The following NPIPB13 variants were observed in gnomAD, a reference collection of about 807,000 sequenced individuals.
NPIPB13 encodes the protein nuclear pore complex-interacting protein family member B13.
At chr16:30,238,866 C>A (rs1596940048) in intron 2 of NPIPB13, among the ~76,000 whole-genome samples, 1 of 1,712 alleles carries the variant, frequency 5.8e-4, no homozygotes, top group Non-Finnish European at 1.9e-3. Context: ...GCCTGGGCGA[C>A]AGAGTGAGAC....
chr16:30,244,483 ATGTGTGTGTGTGTGTGTGTGTG>A (rs71259255), intron 2 of NPIPB13, among the ~76,000 whole-genome samples: 3 of 89,416 alleles, frequency 3.4e-5, no homozygotes, highest in African/African-American at 1.3e-4. Context: ...CAAAAAATAT[ATGTGTGTGTGTGTGTGTGTGTG>A]TGTGTGTGTG....
intron 2 of NPIPB13, among the ~76,000 whole-genome samples, chr16:30,244,937 CT>C (rs2073605809): frequency 7.4e-6 from 1 of 135,406 alleles, no homozygotes; most frequent in Non-Finnish European, 1.6e-5. Context: ...AAACCCCCAC[CT>C]CCTGAATCTA....
At chr16:30,232,460 T>G (rs1444541141) in intron 3 of NPIPB13, among the ~76,000 whole-genome samples, 1 of 140,738 alleles carries the variant, frequency 7.1e-6, no homozygotes, top group Non-Finnish European at 1.5e-5. Context: ...TTGAAACTCT[T>G]GTCTCAAAAA....
intron 3 of NPIPB13, among the ~76,000 whole-genome samples, chr16:30,232,511 T>A (rs2073560057): frequency 7.4e-6 from 1 of 134,552 alleles, no homozygotes; most frequent in Non-Finnish European, 1.7e-5. Context: ...CTCACGCCTG[T>A]AATCCCAGCA....
At chr16:30,244,765 C>T (rs1183470841) in intron 2 of NPIPB13, among the ~76,000 whole-genome samples, 18 of 86,952 alleles carry the variant, frequency 2.1e-4, no homozygotes, top group African/African-American at 7.3e-4. Context: ...TATATATGTA[C>T]TATAGAATGT....
upstream of NPIPB13, among the ~76,000 whole-genome samples, chr16:30,247,208 TATGATA>T (rs2073617088): frequency 7.4e-6 from 1 of 134,834 alleles, no homozygotes; most frequent in Non-Finnish European, 1.5e-5. Context: ...CACATTCTTA[TATGATA>T]ATGATAAGGG....
intron 2 of NPIPB13, among the ~76,000 whole-genome samples, chr16:30,244,145 C>T (rs2073598595): frequency 1.5e-5 from 2 of 131,586 alleles, no homozygotes; most frequent in East Asian, 4.7e-4. Context: ...CATATTCTTT[C>T]ATAGCCAGTG....
At chr16:30,230,887 A>G in intron 5 of NPIPB13, among the ~76,000 whole-genome samples, 1 of 109,398 alleles carries the variant, frequency 9.1e-6, no homozygotes. Context: ...TAAAAAAAAA[A>G]AAAAAAAAAA....
chr16:30,232,785 T>A (rs1453830432), intron 3 of NPIPB13, among the ~76,000 whole-genome samples: 24 of 40,944 alleles, frequency 5.9e-4, no homozygotes, highest in East Asian at 1.5e-3. Flanking sequence ...AAAAAAAAAA[T>A]GACATGAATA....
intron 5 of NPIPB13, among the ~76,000 whole-genome samples, chr16:30,230,877 TAAAA>T (rs1200193892): frequency 1.3e-4 from 7 of 55,022 alleles, no homozygotes; most frequent in Admixed American, 2.1e-4. Context: ...ATCTCAAAAT[TAAAA>T]AAAAAAAAAA....
chr16:30,233,858 TGTCCAA>T (rs2073565481), intron 3 of NPIPB13, among the ~76,000 whole-genome samples: 1 of 121,286 alleles, frequency 8.2e-6, no homozygotes, highest in Non-Finnish European at 1.8e-5. Flanking sequence ...GGTGCGAAGT[TGTCCAA>T]GTCCAACAGC....
intron 2 of NPIPB13, among the ~76,000 whole-genome samples, chr16:30,237,480 G>A (rs2073574003): frequency 5.1e-5 from 1 of 19,580 alleles, no homozygotes; most frequent in Non-Finnish European, 1.3e-4. Flanking sequence ...GCGAGACTCT[G>A]TCTCAAAAAA....
intron 2 of NPIPB13, among the ~76,000 whole-genome samples, chr16:30,237,636 A>G (rs2073575215): frequency 2.3e-5 from 1 of 43,394 alleles, no homozygotes; most frequent in Middle Eastern, 5.4e-3. Flanking sequence ...ACAGCTTGTG[A>G]TAACATTTCT....
At chr16:30,232,361 G>A (rs1466832235) in intron 3 of NPIPB13, among the ~76,000 whole-genome samples, 1 of 114,522 alleles carries the variant, frequency 8.7e-6, no homozygotes, top group Non-Finnish European at 2.0e-5. Flanking sequence ...CTAGTCGGGA[G>A]GCTGAGGCAG....
upstream of NPIPB13, among the ~76,000 whole-genome samples, chr16:30,246,408 A>C (rs1256092650): frequency 6.6e-6 from 1 of 151,666 alleles, no homozygotes; most frequent in Non-Finnish European, 1.5e-5. Flanking sequence ...CATAGGTCCA[A>C]GACTGGGTAG....
intron 2 of NPIPB13, among the ~76,000 whole-genome samples, chr16:30,237,535 G>C (rs2073574635): frequency 2.0e-5 from 1 of 50,418 alleles, no homozygotes; most frequent in African/African-American, 6.6e-5. Flanking sequence ...AAAATGGCAT[G>C]AATAGTGTGG....
chr16:30,244,285 G>GC (rs1222464976), intron 2 of NPIPB13, among the ~76,000 whole-genome samples: 1 of 131,652 alleles, frequency 7.6e-6, no homozygotes, highest in Admixed American at 7.5e-5. Context: ...CACGAGCCTG[G>GC]CCAATATGGT....
rs71259255 is a variant in NPIPB13, at chr16:30,244,483, A to ATG, written c.120+969_120+970dup. Among the ~76,000 whole-genome samples, 469 of 89,174 alleles carry ATG rather than the reference A, an allele frequency of 5.3e-3. 4 individuals are homozygous for ATG. The highest frequency in any genetic ancestry group is 0.01 in the African/African-American group (229 of 22,476). The allele number at this position is 89,174 out of a possible 152,430, so 58.5% of individuals were successfully genotyped here. On this transcript the variant is annotated intron_variant, in intron 2 of 7. Coordinates refer to ENST00000520915, the Ensembl canonical transcript of NPIPB13. Reference sequence around the variant, plus strand: ...AGTGAAACTCTGTCTCAAAAAATATATGTGTGTGTGTGTGTGTGTGTGTGT... The same window carrying ATG: ...AGTGAAACTCTGTCTCAAAAAATATATGTGTGTGTGTGTGTGTGTGTGTGTGT...
chr16:30,232,395 A>C (rs1191856691), intron 3 of NPIPB13, among the ~76,000 whole-genome samples: 4 of 138,852 alleles, frequency 2.9e-5, no homozygotes, highest in African/African-American at 1.0e-4. Flanking sequence ...ACCCAGCAGG[A>C]AAAGCTTGTG....
Sources: allele counts gnomAD v4.1 joint callset (sites outside exome capture counted in the v4.1 genomes callset), GRCh38; gene constraint gnomAD v4.1.1; transcripts MANE v1.5; gene names NCBI Gene and HGNC (gene_info 2026-07-23, HGNC 2026-07-21).